Variants in LRP1B observed in about 807,000 individuals in gnomAD.
The protein encoded by LRP1B is LDL receptor related protein 1B, also known as low-density lipoprotein receptor-related protein 1B.
In LRP1B, 217 loss-of-function variants were observed where a neutral mutation model predicts 556.6. The observed-to-expected ratio is 0.39, with a 90% CI of 0.35 to 0.44. The LOEUF (loss-of-function observed/expected upper bound fraction) is 0.44. LRP1B is among the 20% of genes least tolerant of loss of function. The pLI is 1.00. For missense variants in LRP1B, 5,053 were observed against 5,620.8 expected (o/e 0.90, Z 3.23); for synonymous variants, 2,047 against 1,865.8 (o/e 1.10, Z -2.50).
chr2:140,994,090 A>G lies in LRP1B; in HGVS notation c.2549T>C (p.Phe850Ser), dbSNP rs1697169977. ...ALPHICKAGE[F>S]RCKNRHCIQA... is the part of the protein sequence containing the mutation. ...GATACAGTGTCTGTTTTTGCAGCGA[A>G]ACTCTCCAGCTTTACATATGTGAGG... Residue 850 changes from phenylalanine to serine, a missense_variant, in exon 16 of 91, where the codon TTT becomes TCT. Phe to Ser is a radical substitution (Grantham distance 155, BLOSUM62 -2). This residue lies in a region of LRP1B where 3,619 missense variants were observed against 3,931.9 expected (regional missense o/e 0.92). Transcript: ENST00000389484. The G allele has an allele frequency of 6.2e-7, 1 of 1,612,592 alleles. No homozygotes were observed. Among genetic ancestry groups the G allele is most frequent in the Non-Finnish European group, 8.5e-7 (1 of 1,179,126 alleles).
At chr2:140,574,009 G>A (rs1227278285) in intron 43 of LRP1B, among the ~76,000 whole-genome samples, 3 of 151,826 alleles carry the variant, frequency 2.0e-5, no homozygotes, top group South Asian at 2.1e-4. Flanking sequence ...TGAGGATAAC[G>A]GGAATGTTTC....
rs560686061 is a variant in LRP1B at position 140,457,989 on chromosome 2, T to TATATAC, written c.9626-344_9626-339dup. On this transcript the variant is annotated intron_variant, in intron 60 of 90. Coordinates refer to ENST00000389484, the MANE Select transcript of LRP1B (RefSeq NM_018557.3). ...TTATGTGTGTGTGTGTGTATGTGTG[T>TATATAC]ATATACATATACATATACATATTTA... 7.5e-3 allele frequency among the ~76,000 whole-genome samples: 1,136 copies of TATATAC among 152,248 alleles called. 13 individuals carry two copies. The highest frequency in any genetic ancestry group is 0.025 in the African/African-American group (1,051 of 41,538).
chr2:140,968,914 T>G (rs1378400260), intron 18 of LRP1B, among the ~76,000 whole-genome samples: 1 of 152,252 alleles, frequency 6.6e-6, no homozygotes, highest in East Asian at 1.9e-4. Context: ...ATAATTTCTG[T>G]TCTTTTACAT....
intron 3 of LRP1B, among the ~76,000 whole-genome samples, chr2:141,442,318 ATTTAC>A (rs1681007243): frequency 6.6e-6 from 1 of 152,108 alleles, no homozygotes; most frequent in Admixed American, 6.6e-5. Flanking sequence ...TTTACAAAAG[ATTTAC>A]TTTTATAGTA....
At chr2:141,764,761 T>C (rs1273771367) in intron 2 of LRP1B, among the ~76,000 whole-genome samples, 5 of 151,962 alleles carry the variant, frequency 3.3e-5, no homozygotes, top group Admixed American at 2.6e-4. Flanking sequence ...ATAACTATGA[T>C]AGACAACGAA....
chr2:142,087,819 T>G (rs1706003813), intron 1 of LRP1B, among the ~76,000 whole-genome samples: 1 of 152,084 alleles, frequency 6.6e-6, no homozygotes, highest in Non-Finnish European at 1.5e-5. Flanking sequence ...AAGCTCAATT[T>G]GCACATAGAT....
At chr2:141,544,163 G>A (rs1685370803) in intron 2 of LRP1B, among the ~76,000 whole-genome samples, 1 of 151,912 alleles carries the variant, frequency 6.6e-6, no homozygotes, top group Non-Finnish European at 1.5e-5. Context: ...TCAAGATAAT[G>A]GAAGATCTAG....
At chr2:141,947,798 AT>A (rs761618249) in intron 1 of LRP1B, among the ~76,000 whole-genome samples, 2,615 of 116,776 alleles carry the variant, frequency 0.022, 33 homozygotes, top group Non-Finnish European at 0.03. Context: ...GGCAAGAAAA[AT>A]TTTTTTTTAA....
chr2:141,293,797 T>C (rs567182209), intron 3 of LRP1B, among the ~76,000 whole-genome samples: 273 of 152,256 alleles, frequency 1.8e-3, no homozygotes, highest in African/African-American at 6.2e-3. Context: ...AATTTTTCTA[T>C]GAAAATAAAT....
chr2:140,894,164 A>C (rs1693879446), intron 23 of LRP1B, among the ~76,000 whole-genome samples: 1 of 152,112 alleles, frequency 6.6e-6, no homozygotes, highest in South Asian at 2.1e-4. Context: ...ACTACTCCCC[A>C]AGGCAGCAAA....
intron 1 of LRP1B, among the ~76,000 whole-genome samples, chr2:141,817,257 G>A (rs1039679394): frequency 6.6e-6 from 1 of 152,096 alleles, no homozygotes; most frequent in Non-Finnish European, 1.5e-5. Flanking sequence ...AAAACAAGGA[G>A]CTTATGGAAA....
Position 141,332,278 on chromosome 2 carries a change from C to T in LRP1B, c.344-77637G>A, listed in dbSNP as rs182272799. ...ATCTTCTGCAAAATGAGCCTATAAC[C>T]ACCTAGCCTATCATGAAACGTATTT... On this transcript the variant is annotated intron_variant, in intron 3 of 90. Coordinates refer to ENST00000389484, the MANE Select transcript of LRP1B (RefSeq NM_018557.3). 8.6e-5 allele frequency among the ~76,000 whole-genome samples: 13 copies of T among 152,032 alleles called. No individual in the cohort carries two copies. In the East Asian group the frequency reaches 2.3e-3, roughly 27 times the overall value.
chr2:140,233,121 TTGG>T lies in LRP1B; in HGVS notation c.*62_*64del. 9.5e-7 allele frequency: 1 copy of T among 1,056,110 alleles called. No homozygotes were observed. The highest frequency in any genetic ancestry group is 2.0e-5 in the South Asian group (1 of 50,796). The allele number at this position is 1,056,110 out of a possible 1,614,324, so 65.4% of individuals were successfully genotyped here. On this transcript the variant is annotated 3_prime_UTR_variant, in exon 91 of 91. Coordinates refer to ENST00000389484, the MANE Select transcript of LRP1B (RefSeq NM_018557.3). The stretch of plus-strand genomic sequence containing the variant: ...TGATGCCAAAACAAGTATAATACTG[TTGG>T]AACATACAAAAGTAATCCTTATATT...
intron 7 of LRP1B, among the ~76,000 whole-genome samples, chr2:141,096,621 G>GAGAGAGAGAGA (rs1558857992): frequency 6.5e-4 from 26 of 39,928 alleles, no homozygotes; most frequent in South Asian, 3.4e-3. Context: ...ACAAAGACGG[G>GAGAGAGAGAGA]GAGAGGGGGA....
intron 35 of LRP1B, among the ~76,000 whole-genome samples, chr2:140,729,562 C>A (rs901179549): frequency 1.3e-5 from 2 of 152,086 alleles, no homozygotes; most frequent in African/African-American, 4.8e-5. Flanking sequence ...TTTTTATGAA[C>A]AAATTCCCGC....
chr2:140,640,825 G>C lies in LRP1B; in HGVS notation c.6800-39186C>G, dbSNP rs505379. ...GCACTGATTTATAAGGCCCATAAGAGAGCCTGACACAGGCTCAGTAAGTAT... is the reference window on the plus strand; with the variant it reads ...GCACTGATTTATAAGGCCCATAAGACAGCCTGACACAGGCTCAGTAAGTAT... On this transcript the variant is annotated intron_variant, in intron 41 of 90. Transcript: ENST00000389484. Among the ~76,000 whole-genome samples, 1,459 of 152,200 alleles carry C rather than the reference G, an allele frequency of 9.6e-3. 24 individuals are homozygous for C. Among genetic ancestry groups the C allele is most frequent in the African/African-American group, 0.034 (1,396 of 41,506 alleles).
intron 22 of LRP1B, among the ~76,000 whole-genome samples, chr2:140,903,604 T>C (rs137870353): frequency 2.0e-5 from 3 of 152,194 alleles, no homozygotes; most frequent in Non-Finnish European, 4.4e-5. Context: ...AGTATATCCA[T>C]ATACACATAT....
intron 5 of LRP1B, among the ~76,000 whole-genome samples, chr2:141,235,261 T>A (rs1020506086): frequency 2.7e-4 from 41 of 152,068 alleles, no homozygotes; most frequent in African/African-American, 9.6e-4. Flanking sequence ...ATTAATTAAT[T>A]TATCTAGTAT....
Position 140,887,811 on chromosome 2 carries a change from A to C in LRP1B, c.3767-1476T>G, listed in dbSNP as rs149280795. On this transcript the variant is annotated intron_variant, in intron 23 of 90. Coordinates refer to ENST00000389484, the MANE Select transcript of LRP1B (RefSeq NM_018557.3). ...AAGCTAGTCATAAAACACATATTGCATGATTACATTTATATGAAATGTCCA... is the reference window on the plus strand; with the variant it reads ...AAGCTAGTCATAAAACACATATTGCCTGATTACATTTATATGAAATGTCCA... Among the ~76,000 whole-genome samples the C allele has an allele frequency of 1.7e-3, 253 of 152,326 alleles. 1 individual carries two copies. The highest frequency in any genetic ancestry group is 6.0e-3 in the African/African-American group (248 of 41,588).
Sources: allele counts gnomAD v4.1 joint callset (sites outside exome capture counted in the v4.1 genomes callset), GRCh38; gene constraint gnomAD v4.1.1; regional missense constraint gnomAD v4.1.1; transcripts MANE v1.5; gene names NCBI Gene and HGNC (gene_info 2026-07-23, HGNC 2026-07-21).